TSEN2: variants seen among roughly 807,000 people sequenced by gnomAD.
The protein encoded by TSEN2 is tRNA-splicing endonuclease subunit Sen2.
TSEN2 carries 54 observed loss-of-function variants against 59.2 expected under a neutral mutation model. The observed-to-expected ratio is 0.91, with a 90% CI of 0.73 to 1.14. TSEN2 has a LOEUF of 1.14. Ranked by LOEUF, TSEN2 falls within the 50% of genes most tolerant of loss-of-function variation. The pLI is 0.00. For synonymous variants in TSEN2, 195 were observed against 198.2 expected (o/e 0.98, Z 0.14); for missense variants, 636 against 576.2 (o/e 1.10, Z -1.06).
rs1198422405 is a variant in TSEN2, at chr3:12,503,260, A to G, written c.309-2A>G. ...GTTTCTAACAGTATTTCTGTCTTGC[A>G]GGTATCAGCATAGTGTTGAGTGGGC... On this transcript the variant is annotated splice_acceptor_variant, in intron 4 of 11. Transcript: ENST00000284995. LOFTEE classifies it high-confidence loss of function. The G allele has an allele frequency of 1.2e-6, 2 of 1,614,088 alleles. No homozygotes were observed. The highest frequency in any genetic ancestry group is 1.7e-6 in the Non-Finnish European group (2 of 1,180,014).
In TSEN2 at chr3:12,520,163, T is replaced by C. The variant is rs564300824; in HGVS notation, c.1099+966T>C. On this transcript the variant is annotated intron_variant, in intron 8 of 11. Coordinates refer to ENST00000284995, the MANE Select transcript of TSEN2 (RefSeq NM_025265.4). ...ACAGGCGCCCGCCATCACACCCGGCTAATTTTTTGTATTGTTAGTACAGAC... is the reference window on the plus strand; with the variant it reads ...ACAGGCGCCCGCCATCACACCCGGCCAATTTTTTGTATTGTTAGTACAGAC... 1.8e-3 allele frequency among the ~76,000 whole-genome samples: 268 copies of C among 152,272 alleles called. 2 individuals carry two copies. Among genetic ancestry groups the C allele is most frequent in the African/African-American group, 6.0e-3 (249 of 41,572 alleles).
chr3:12,532,919 A>AT lies in TSEN2; in HGVS notation c.*199dup. 1.6e-6 allele frequency: 1 copy of AT among 624,022 alleles called. No individual in the cohort carries two copies. Among genetic ancestry groups the AT allele is most frequent in the Admixed American group, 2.8e-5 (1 of 36,096 alleles). 38.7% of individuals were successfully genotyped at this position (624,022 alleles called of 1,614,324 possible). A position where few individuals can be genotyped will look rare whatever the true frequency, so the allele number is the denominator to read the frequency against. ...TCCCTGTGCTAGGACTGCAGATTCT[A>AT]TACTTGCGTTGGCCTCTAACTCTCC... On this transcript the variant is annotated 3_prime_UTR_variant, in exon 12 of 12. Coordinates refer to ENST00000284995, the MANE Select transcript of TSEN2 (RefSeq NM_025265.4).
upstream of TSEN2, among the ~76,000 whole-genome samples, chr3:12,480,271 G>A (rs2052176503): frequency 6.6e-6 from 1 of 152,044 alleles, no homozygotes; most frequent in Non-Finnish European, 1.5e-5. Context: ...GCTCCTCCCT[G>A]GCTCCGGAAC....
chr3:12,488,788 C>CA (rs1211623042), intron 1 of TSEN2, among the ~76,000 whole-genome samples: 4 of 152,176 alleles, frequency 2.6e-5, no homozygotes, highest in Non-Finnish European at 5.9e-5. Flanking sequence ...AGTCATCAGA[C>CA]AAAAGTAGAT....
rs1330874664 is a variant in TSEN2 at position 12,504,836 on chromosome 3, C to CT, written c.832-317dup. On this transcript the variant is annotated intron_variant, in intron 5 of 11. Coordinates refer to ENST00000284995, the MANE Select transcript of TSEN2 (RefSeq NM_025265.4). ...GAGTTCAAGACCAGCCTGGGCAACT[C>CT]TGTCTGTACAAAAAATTAGCCAGGC... Among the ~76,000 whole-genome samples the CT allele has an allele frequency of 3.3e-5, 5 of 151,942 alleles. No individual in the cohort carries two copies. In the East Asian group the frequency reaches 7.8e-4, roughly 24 times the overall value.
intron 6 of TSEN2, among the ~76,000 whole-genome samples, chr3:12,512,191 A>G (rs1214678892): frequency 2.6e-5 from 4 of 152,222 alleles, no homozygotes; most frequent in Admixed American, 2.0e-4. Context: ...AAGCTAGCCA[A>G]CTTCCCTGGG....
chr3:12,491,215 C>CAAA (rs1447031295), intron 2 of TSEN2, among the ~76,000 whole-genome samples: 1 of 152,146 alleles, frequency 6.6e-6, no homozygotes, highest in Non-Finnish European at 1.5e-5. Flanking sequence ...TGGTCTTGAA[C>CAAA]CCCTGACCTC....
intron 8 of TSEN2, among the ~76,000 whole-genome samples, chr3:12,526,647 G>A (rs1056308979): frequency 4.6e-5 from 7 of 152,216 alleles, no homozygotes; most frequent in Admixed American, 3.3e-4. Context: ...AGGTAACTTT[G>A]TGATGCTTAC....
chr3:12,525,290 C>G (rs1487004751), intron 8 of TSEN2, among the ~76,000 whole-genome samples: 1 of 152,146 alleles, frequency 6.6e-6, no homozygotes, highest in African/African-American at 2.4e-5. Flanking sequence ...TTGTCAATGT[C>G]TGTCATATAA....
chr3:12,530,841 C>A, intron 10 of TSEN2: 1 of 809,420 alleles, frequency 1.2e-6, no homozygotes, highest in Non-Finnish European at 1.5e-6. Context: ...GTTTTTTCTT[C>A]TCATCATTTC....
intron 3 of TSEN2, among the ~76,000 whole-genome samples, chr3:12,493,781 A>T (rs896999676): frequency 2.6e-5 from 4 of 152,222 alleles, no homozygotes; most frequent in African/African-American, 9.6e-5. Flanking sequence ...AATAAATAAA[A>T]TAAAATAGTC....
chr3:12,518,310 C>T (rs2056327688), intron 7 of TSEN2, among the ~76,000 whole-genome samples: 1 of 152,102 alleles, frequency 6.6e-6, no homozygotes, highest in African/African-American at 2.4e-5. Context: ...TTTTGTTCTT[C>T]TGAACATGAG....
At chr3:12,480,534 T>TTTTTGTTTTG (rs2052180447), upstream of TSEN2, among the ~76,000 whole-genome samples, 1 of 140,738 alleles carries the variant, frequency 7.1e-6, no homozygotes, top group African/African-American at 2.7e-5. Flanking sequence ...CTTTGTTTTT[T>TTTTTGTTTTG]TTTTTTTTTT....
At chr3:12,538,962 TG>T (rs968228694) in intron 10 of TSEN2, 5 of 316,138 alleles carry the variant, frequency 1.6e-5, no homozygotes, top group African/African-American at 1.2e-4. Flanking sequence ...TCAGGCAAAA[TG>T]AAATTGACAC....
chr3:12,520,676 G>C (rs1456878182), intron 8 of TSEN2, among the ~76,000 whole-genome samples: 5 of 151,986 alleles, frequency 3.3e-5, no homozygotes, highest in African/African-American at 1.2e-4. Flanking sequence ...TGTAATCCCA[G>C]CTATTTGGGA....
chr3:12,509,379 T>C (rs149764849), intron 6 of TSEN2, among the ~76,000 whole-genome samples: 1 of 152,192 alleles, frequency 6.6e-6, no homozygotes, highest in East Asian at 1.9e-4. Flanking sequence ...TTTGTATTTT[T>C]AGTAGAGATG....
chr3:12,534,522 T>C (rs1346839852), downstream of TSEN2, among the ~76,000 whole-genome samples: 1 of 151,890 alleles, frequency 6.6e-6, no homozygotes, highest in African/African-American at 2.4e-5. Context: ...GTTGTGTGGG[T>C]AAAGGAGAGC....
upstream of TSEN2, among the ~76,000 whole-genome samples, chr3:12,482,983 T>C (rs1015938708): frequency 2.6e-5 from 4 of 152,204 alleles, no homozygotes; most frequent in Admixed American, 2.6e-4. Flanking sequence ...ATCTAAAACC[T>C]GAACTCCCTA....
At chr3:12,531,168 C>T (rs1240266074) in intron 10 of TSEN2, 8 of 201,508 alleles carry the variant, frequency 4.0e-5, no homozygotes, top group Admixed American at 1.1e-4. Flanking sequence ...TCACCTCCCA[C>T]GAGGTCCCTC....
Sources: gnomAD v4.1 joint callset for allele counts (sites outside exome capture counted in the v4.1 genomes callset) on GRCh38, gnomAD v4.1.1 for gene constraint, MANE v1.5 for transcripts, NCBI Gene and HGNC (gene_info 2026-07-23, HGNC 2026-07-21) for gene names.